CDH7: variants seen among roughly 807,000 people sequenced by gnomAD.
The protein encoded by CDH7 is cadherin-7.
CDH7 carries 25 observed loss-of-function variants against 71.8 expected under a neutral mutation model. The ratio of observed to expected loss-of-function variants is 0.35; its 90% CI spans 0.25 to 0.49. The LOEUF (loss-of-function observed/expected upper bound fraction) is 0.49, where lower values mean the gene tolerates loss of function less well. Ranked by LOEUF, CDH7 falls within the 20% of genes least tolerant of loss-of-function variation. CDH7 has a pLI of 0.99. For synonymous variants in CDH7, 381 were observed against 363.8 expected (o/e 1.05, Z -0.54); for missense variants, 862 against 974.6 (o/e 0.88, Z 1.54).
At chr18:65,810,916 A>C (rs1318698186) in intron 3 of CDH7, among the ~76,000 whole-genome samples, 5 of 152,194 alleles carry the variant, frequency 3.3e-5, no homozygotes, top group African/African-American at 4.8e-5. Flanking sequence ...ATTACTAGAA[A>C]GATACCCAGT....
intron 7 of CDH7, among the ~76,000 whole-genome samples, chr18:65,854,932 T>TATATATATATATATAC (rs67623413): frequency 3.4e-5 from 5 of 148,774 alleles, no homozygotes; most frequent in Admixed American, 2.7e-4. Context: ...TATATATATA[T>TATATATATATATATAC]ACACACACAT....
chr18:65,763,406 C>G (rs552235761), intron 2 of CDH7, among the ~76,000 whole-genome samples: 37 of 152,220 alleles, frequency 2.4e-4, no homozygotes, highest in Admixed American at 5.9e-4. Context: ...TGGGTTCTTA[C>G]AGCCAGTTGG....
intron 1 of CDH7, among the ~76,000 whole-genome samples, chr18:65,757,511 C>T (rs891903452): frequency 6.6e-6 from 1 of 152,062 alleles, no homozygotes; most frequent in Non-Finnish European, 1.5e-5. Flanking sequence ...GTTTGTAAAA[C>T]ATGGAAAAAT....
chr18:65,786,813 A>G (rs1446349109), intron 2 of CDH7, among the ~76,000 whole-genome samples: 10 of 152,108 alleles, frequency 6.6e-5, no homozygotes. Context: ...CCTCTTGAGT[A>G]GCTGAGACTA....
chr18:65,799,607 C>T (rs1282649129), intron 2 of CDH7, among the ~76,000 whole-genome samples: 3 of 151,684 alleles, frequency 2.0e-5, no homozygotes, highest in East Asian at 2.0e-4. Flanking sequence ...ACCCAGGAGG[C>T]GGAGCTTGCA....
At chr18:65,788,723 T>C (rs368808109) in intron 2 of CDH7, among the ~76,000 whole-genome samples, 35 of 152,346 alleles carry the variant, frequency 2.3e-4, no homozygotes, top group African/African-American at 7.0e-4. Context: ...TAGTGAATGC[T>C]ATTTTTATAT....
At chr18:65,861,365 T>G (rs1300374468) in intron 10 of CDH7, among the ~76,000 whole-genome samples, 1 of 147,776 alleles carries the variant, frequency 6.8e-6, no homozygotes, top group Non-Finnish European at 1.5e-5. Context: ...GTGTGTGATT[T>G]TGGTATCAGT....
intron 10 of CDH7, among the ~76,000 whole-genome samples, chr18:65,861,517 C>T (rs950266930): frequency 2.0e-5 from 3 of 152,156 alleles, no homozygotes; most frequent in Non-Finnish European, 4.4e-5. Flanking sequence ...AAACAGTATC[C>T]TTCAACAACT....
In CDH7 at chr18:65,770,413, C is replaced by G. The variant is rs9958015; in HGVS notation, c.210+7361C>G. 2.8e-3 allele frequency among the ~76,000 whole-genome samples: 430 copies of G among 152,200 alleles called. 2 individuals are homozygous for G. Among genetic ancestry groups the G allele is most frequent in the African/African-American group, 9.8e-3 (409 of 41,540 alleles). ...AAACATTGTTTTGGAATAATAAACA[C>G]TTAGAATCCTATAAGTTAAAGAACT... On this transcript the variant is annotated intron_variant, in intron 2 of 11. Coordinates refer to ENST00000397968, the MANE Select transcript of CDH7 (RefSeq NM_004361.5).
At chr18:65,771,377 C>T (rs1464734762) in intron 2 of CDH7, among the ~76,000 whole-genome samples, 2 of 151,968 alleles carry the variant, frequency 1.3e-5, no homozygotes, top group Non-Finnish European at 2.9e-5. Context: ...CAGTGGCTCA[C>T]GCATGTAATC....
intron 2 of CDH7, among the ~76,000 whole-genome samples, chr18:65,786,890 T>G (rs1599005505): frequency 6.6e-6 from 1 of 152,156 alleles, no homozygotes; most frequent in Non-Finnish European, 1.5e-5. Context: ...AGTCTTGGTA[T>G]GTTGCCCAGG....
rs947291243 is a variant in CDH7 at position 65,882,973 on chromosome 18, G to A, written c.*2079G>A. The A allele has an allele frequency of 6.6e-6, 1 of 152,120 alleles. No individual in the cohort carries two copies. The highest frequency in any genetic ancestry group is 1.5e-5 in the Non-Finnish European group (1 of 67,964). 9.4% of individuals were successfully genotyped at this position (152,120 alleles called of 1,614,324 possible). On this transcript the variant is annotated 3_prime_UTR_variant, in exon 12 of 12. Transcript: ENST00000397968. ...ACATTTGGATGATGTCAAAACTGCT[G>A]ATTGTTGCACATACCACTAAACGGA...
intron 3 of CDH7, among the ~76,000 whole-genome samples, chr18:65,814,139 C>T (rs1911639182): frequency 6.6e-6 from 1 of 152,112 alleles, no homozygotes; most frequent in Non-Finnish European, 1.5e-5. Flanking sequence ...ATAGAAGCTG[C>T]TCTTGATGAA....
intron 5 of CDH7, 69 bp downstream of exon 5, chr18:65,822,317 A>G (rs1168190838): frequency 7.0e-6 from 9 of 1,282,644 alleles, no homozygotes; most frequent in Non-Finnish European, 6.6e-6. Flanking sequence ...ACATCTTTAA[A>G]ATGACTTTTT....
intron 2 of CDH7, among the ~76,000 whole-genome samples, chr18:65,770,009 C>T (rs934393795): frequency 2.6e-5 from 4 of 152,112 alleles, no homozygotes; most frequent in African/African-American, 9.7e-5. Flanking sequence ...ACTCTCATTA[C>T]AGATGGGAAT....
At chr18:65,860,954 T>G (rs940285314) in intron 10 of CDH7, among the ~76,000 whole-genome samples, 3 of 152,182 alleles carry the variant, frequency 2.0e-5, no homozygotes, top group Non-Finnish European at 4.4e-5. Context: ...AACTCCAGAC[T>G]CACTGACTTA....
Position 65,883,237 on chromosome 18 carries a change from A to T in CDH7, c.*2343A>T, listed in dbSNP as rs1914281582. On this transcript the variant is annotated 3_prime_UTR_variant, in exon 12 of 12. Coordinates refer to ENST00000397968, the MANE Select transcript of CDH7 (RefSeq NM_004361.5). Reference sequence around the variant, plus strand: ...TTCAGTGGTATTTTTTAATTAAAAAAATTAATTTAAAAAATTAATTTTTGA... The same window carrying T: ...TTCAGTGGTATTTTTTAATTAAAAATATTAATTTAAAAAATTAATTTTTGA... 6.6e-6 allele frequency: 1 copy of T among 152,028 alleles called. No homozygotes were observed. The highest frequency in any genetic ancestry group is 1.5e-5 in the Non-Finnish European group (1 of 67,948). 9.4% of individuals were successfully genotyped at this position (152,028 alleles called of 1,614,324 possible).
Position 65,832,211 on chromosome 18 carries a change from G to A in CDH7, c.981+7380G>A, listed in dbSNP as rs549285116. Among the ~76,000 whole-genome samples the A allele has an allele frequency of 2.5e-3, 71 of 28,824 alleles. 1 individual carries two copies. In the South Asian group the frequency reaches 0.33, roughly 135 times the overall value. 18.9% of individuals were successfully genotyped at this position (28,824 alleles called of 152,430 possible). A position where few individuals can be genotyped will look rare whatever the true frequency, so the allele number is the denominator to read the frequency against. On this transcript the variant is annotated intron_variant, in intron 6 of 11. Coordinates refer to ENST00000397968, the MANE Select transcript of CDH7 (RefSeq NM_004361.5). ...GGTCCATATCCTTTTCATAAATAAT[G>A]TACTATTATATTATATGTATAATAA... is the stretch of plus-strand genomic sequence containing the variant.
At chr18:65,757,696 C>A (rs756288775) in intron 1 of CDH7, among the ~76,000 whole-genome samples, 1 of 152,026 alleles carries the variant, frequency 6.6e-6, no homozygotes, top group East Asian at 1.9e-4. Flanking sequence ...TCAGATATAA[C>A]CTGTTCTTGT....
Sources: gnomAD v4.1 joint callset for allele counts (sites outside exome capture counted in the v4.1 genomes callset) on GRCh38, gnomAD v4.1.1 for gene constraint, MANE v1.5 for transcripts, NCBI Gene and HGNC (gene_info 2026-07-23, HGNC 2026-07-21) for gene names.